CACNA1C: variants seen among roughly 807,000 people sequenced by gnomAD.
CACNA1C encodes calcium voltage-gated channel subunit alpha1 C.
A neutral mutation model predicts 229.0 loss-of-function variants in CACNA1C; 30 were observed. That is an observed-to-expected ratio of 0.13 (90% CI 0.10 to 0.18). CACNA1C has a LOEUF of 0.18. CACNA1C is among the 10% of genes least tolerant of loss of function. The probability of loss-of-function intolerance (pLI) is 1.00; values close to 1 mark genes in which losing one functional copy is unlikely to be tolerated. For synonymous variants in CACNA1C, 1,114 were observed against 1,132.5 expected (o/e 0.98, Z 0.33); for missense variants, 1,658 against 2,845.0 (o/e 0.58, Z 9.49).
intron 3 of CACNA1C, among the ~76,000 whole-genome samples, chr12:2,377,243 A>G (rs544778006): frequency 4.3e-4 from 65 of 152,266 alleles, no homozygotes; most frequent in Non-Finnish European, 2.5e-4. Context: ...TGTGGCCTCA[A>G]TGCCCTCCTC....
intron 5 of CACNA1C, among the ~76,000 whole-genome samples, chr12:2,470,573 C>G (rs2099586085): frequency 6.6e-6 from 1 of 152,202 alleles, no homozygotes; most frequent in South Asian, 2.1e-4. Flanking sequence ...ATCCCACTAC[C>G]TAGGTTCAAA....
chr12:2,262,745 G>A (rs574828729), intron 3 of CACNA1C, among the ~76,000 whole-genome samples: 2 of 152,280 alleles, frequency 1.3e-5, no homozygotes, highest in East Asian at 1.9e-4. Context: ...GTTAGTGACC[G>A]CAGGCAGAAG....
At chr12:2,476,574 C>T (rs983418474) in intron 5 of CACNA1C, among the ~76,000 whole-genome samples, 2 of 152,198 alleles carry the variant, frequency 1.3e-5, no homozygotes, top group African/African-American at 4.8e-5. Context: ...GTCTGCCTTT[C>T]ACCATATGCA....
chr12:1,992,992 A>G (rs148288647), intron 1 of CACNA1C: 16,826 of 619,528 alleles, frequency 0.027, 316 homozygotes, highest in Middle Eastern at 0.055. Context: ...CAGGCTTAAG[A>G]TCAGCAATGG....
chr12:2,532,657 T>C (rs1445556412), intron 9 of CACNA1C, among the ~76,000 whole-genome samples: 44 of 152,150 alleles, frequency 2.9e-4, no homozygotes. Context: ...CCAAGAGCCT[T>C]CCTGTGTTCC....
At chr12:2,276,461 CT>C (rs2088119243) in intron 3 of CACNA1C, among the ~76,000 whole-genome samples, 1 of 152,228 alleles carries the variant, frequency 6.6e-6, no homozygotes, top group Non-Finnish European at 1.5e-5. Flanking sequence ...AGCAGAGATG[CT>C]TTTGTTCAAG....
rs1435815791 is a variant in CACNA1C, at chr12:2,504,660, A to G, written c.1114-182A>G. 1.6e-5 allele frequency: 12 copies of G among 771,570 alleles called. No individual in the cohort carries two copies. Among genetic ancestry groups the G allele is most frequent in the South Asian group, 2.9e-5 (2 of 69,142 alleles). 47.8% of individuals were successfully genotyped at this position (771,570 alleles called of 1,614,324 possible). A position where few individuals can be genotyped will look rare whatever the true frequency, so the allele number is the denominator to read the frequency against. On this transcript the variant is annotated intron_variant, in intron 7 of 46. Transcript: ENST00000399655. This position sits in a 1 kb window ranked among gnomAD's most constrained non-coding sequence, Gnocchi z 6.8. ...TGACAGGCCCAGGAAAACCACAACA[A>G]AGCCTCTGTTCAACCACAGATTCTG...
chr12:2,363,411 AG>A (rs1300056903), intron 3 of CACNA1C, among the ~76,000 whole-genome samples: 4 of 152,234 alleles, frequency 2.6e-5, no homozygotes, highest in Non-Finnish European at 5.9e-5. Context: ...TCAACCAATT[AG>A]GTAGTCCACT....
At chr12:2,523,641 C>T (rs1041535779) in intron 9 of CACNA1C, among the ~76,000 whole-genome samples, 3 of 152,216 alleles carry the variant, frequency 2.0e-5, no homozygotes, top group Non-Finnish European at 4.4e-5. Flanking sequence ...CCTAAAGCCA[C>T]GGGTCGCTTT....
In CACNA1C at chr12:2,653,034, G is replaced by A. The variant is rs1367841589; in HGVS notation, c.4075-801G>A. On this transcript the variant is annotated intron_variant, in intron 32 of 46. Transcript: ENST00000399655. This position sits in a 1 kb window ranked among gnomAD's most constrained non-coding sequence, Gnocchi z 4.7. Reference sequence around the variant, plus strand: ...AGTGACCGGTGGCCACGGCTGAAGCGGCGCCCGGGAACACGGGCTGGGCCT... The same window carrying A: ...AGTGACCGGTGGCCACGGCTGAAGCAGCGCCCGGGAACACGGGCTGGGCCT... 6.6e-6 allele frequency among the ~76,000 whole-genome samples: 1 copy of A among 152,216 alleles called. No individual in the cohort carries two copies. The highest frequency in any genetic ancestry group is 2.4e-5 in the African/African-American group (1 of 41,464).
At chr12:2,317,471 A>G (rs1393443568) in intron 3 of CACNA1C, among the ~76,000 whole-genome samples, 1 of 152,144 alleles carries the variant, frequency 6.6e-6, no homozygotes, top group Non-Finnish European at 1.5e-5. Flanking sequence ...GGGAAGCAGG[A>G]TGACGGTTTT....
chr12:2,014,568 C>T (rs187380032), intron 1 of CACNA1C, among the ~76,000 whole-genome samples: 137 of 152,256 alleles, frequency 9.0e-4, no homozygotes, highest in Admixed American at 4.3e-3. Context: ...GACACATAAG[C>T]AGGTAATCAA....
chr12:2,033,641 ACAC>A (rs1326595485), intron 1 of CACNA1C, among the ~76,000 whole-genome samples: 2 of 152,138 alleles, frequency 1.3e-5, no homozygotes, highest in African/African-American at 4.8e-5. Context: ...GAAAACAACA[ACAC>A]AACAACAACA....
At chr12:2,423,365 G>T (rs2098996876) in intron 3 of CACNA1C, among the ~76,000 whole-genome samples, 1 of 152,240 alleles carries the variant, frequency 6.6e-6, no homozygotes, top group Non-Finnish European at 1.5e-5. Context: ...GGGGACTCTG[G>T]GCTCAAACTG....
intron 3 of CACNA1C, among the ~76,000 whole-genome samples, chr12:2,204,807 G>T (rs530098764): frequency 3.5e-5 from 4 of 114,470 alleles, no homozygotes; most frequent in East Asian, 5.8e-4. Context: ...GTTGGGGGAG[G>T]GGGGAGGGAT....
intron 1 of CACNA1C, among the ~76,000 whole-genome samples, chr12:2,075,131 C>G (rs1247815242): frequency 6.6e-6 from 1 of 152,240 alleles, no homozygotes; most frequent in Non-Finnish European, 1.5e-5. Context: ...TTCACCCCCG[C>G]TCTCCTTAGC....
At chr12:2,316,473 C>T (rs1469115680) in intron 3 of CACNA1C, among the ~76,000 whole-genome samples, 5 of 152,312 alleles carry the variant, frequency 3.3e-5, no homozygotes, top group African/African-American at 1.2e-4. Context: ...CCAGACATGC[C>T]TTCAGGTACC....
intron 11 of CACNA1C, among the ~76,000 whole-genome samples, chr12:2,563,632 G>T (rs2048674054): frequency 6.6e-6 from 1 of 152,224 alleles, no homozygotes; most frequent in Non-Finnish European, 1.5e-5. Context: ...CTTAGATTTA[G>T]CAAAGTCTTG....
chr12:2,424,373 C>T (rs1479861455), intron 3 of CACNA1C, among the ~76,000 whole-genome samples: 1 of 151,950 alleles, frequency 6.6e-6, no homozygotes, highest in Non-Finnish European at 1.5e-5. Context: ...GGAGGGAAAA[C>T]GGGGAGAAGG....
Sources: gnomAD v4.1 joint callset for allele counts (sites outside exome capture counted in the v4.1 genomes callset) on GRCh38, gnomAD v4.1.1 for gene constraint, Gnocchi (gnomAD v3.1) non-coding constraint, MANE v1.5 for transcripts, NCBI Gene and HGNC (gene_info 2026-07-23, HGNC 2026-07-21) for gene names.